Variants in ADGRV1 observed in about 807,000 individuals in gnomAD.
ADGRV1 encodes G-protein coupled receptor 98.
Under a neutral mutation model 596.2 loss-of-function variants are expected in ADGRV1, and 359 were observed. That is an observed-to-expected ratio of 0.60 (90% CI 0.55 to 0.66). The LOEUF is 0.66. Among genes scored for constraint, ADGRV1 ranks in the 30% least tolerant of loss-of-function variants. The probability of loss-of-function intolerance (pLI) is 0.00; values close to 1 mark genes in which losing one functional copy is unlikely to be tolerated. For missense variants in ADGRV1, 7,274 were observed against 7,575.6 expected (o/e 0.96, Z 1.48); for synonymous variants, 2,681 against 2,679.2 (o/e 1.00, Z -0.02).
intron 85 of ADGRV1, among the ~76,000 whole-genome samples, chr5:91,050,854 G>C (rs1786258539): frequency 6.6e-6 from 1 of 152,134 alleles, no homozygotes; most frequent in African/African-American, 2.4e-5. Context: ...GTGAGACCCT[G>C]TCTTGAAAAA....
At chr5:90,595,360 C>T (rs1580385295) in intron 1 of ADGRV1, among the ~76,000 whole-genome samples, 1 of 53,524 alleles carries the variant, frequency 1.9e-5, no homozygotes, top group Non-Finnish European at 3.8e-5. Flanking sequence ...ACCTCCCTCC[C>T]GGACGGGGCG....
chr5:90,646,038 GAAC>G lies in ADGRV1; in HGVS notation c.2973_2975del (p.Thr992del), dbSNP rs757071446. On this transcript the variant is annotated inframe_deletion, in exon 16 of 90. Coordinates refer to ENST00000405460, the MANE Select transcript of ADGRV1 (RefSeq NM_032119.4). ...ACTGGAGGAGCTAAAGTGGGAAATA[GAAC>G]AACTGCAACTCTGAGGATTAGAAGA... 2.5e-6 allele frequency: 4 copies of G among 1,605,316 alleles called. No individual in the cohort carries two copies. Among genetic ancestry groups the G allele is most frequent in the Admixed American group, 1.7e-5 (1 of 59,300 alleles).
rs571503255 is a variant in ADGRV1 at position 90,985,370 on chromosome 5, G to A, written c.18000G>A (p.Val6000=). The A allele has an allele frequency of 3.7e-6, 6 of 1,612,890 alleles. No homozygotes were observed. In the African/African-American group the frequency reaches 4.0e-5, roughly 11 times the overall value. The change falls in exon 85 of 90, where the codon GTG becomes GTA. Residue 6000 remains valine (V), a synonymous_variant. Coordinates refer to ENST00000405460, the MANE Select transcript of ADGRV1 (RefSeq NM_032119.4). ...IQSVNFWYVL[V]MNDEHTERRY... ...CTGTGAATTTCTGGTACGTGCTGGT[G>A]ATGAATGATGAGCACACAGAGAGGC...
chr5:90,980,778 C>A (rs942998953), intron 84 of ADGRV1, among the ~76,000 whole-genome samples: 1 of 152,054 alleles, frequency 6.6e-6, no homozygotes. Context: ...ATCACATTTG[C>A]TATATATCTG....
At chr5:90,723,032 G>A (rs569683526) in intron 45 of ADGRV1, among the ~76,000 whole-genome samples, 2 of 152,196 alleles carry the variant, frequency 1.3e-5, no homozygotes, top group East Asian at 3.9e-4. Context: ...AAAGTAAACG[G>A]TGTCAACCCC....
chr5:90,806,707 A>G (rs1561772623), intron 72 of ADGRV1, among the ~76,000 whole-genome samples: 1 of 152,206 alleles, frequency 6.6e-6, no homozygotes, highest in Non-Finnish European at 1.5e-5. Context: ...TGATTCAGCT[A>G]AAATAACAGG....
Position 91,153,369 on chromosome 5 carries a change from T to C in ADGRV1, c.18773T>C (p.Phe6258Ser), listed in dbSNP as rs763402632. 1.9e-6 allele frequency: 3 copies of C among 1,608,400 alleles called. 1 individual carries two copies. The highest frequency in any genetic ancestry group is 2.2e-5 in the South Asian group (2 of 90,226). Reference protein sequence around the residue: ...SLIADEESQEFDDLIFALKTG... With the variant: ...SLIADEESQESDDLIFALKTG... ...ATAGCCGATGAGGAGTCCCAGGAGT[T>C]TGATGATTTAATATTTGCATTAAAA... Residue 6258 changes from phenylalanine to serine, a missense_variant, in exon 89 of 90, where the codon TTT becomes TCT. Phe to Ser is a radical substitution (Grantham distance 155). Coordinates refer to ENST00000405460, the MANE Select transcript of ADGRV1 (RefSeq NM_032119.4).
intron 83 of ADGRV1, among the ~76,000 whole-genome samples, chr5:90,945,928 A>G (rs994220492): frequency 1.3e-5 from 2 of 152,228 alleles, no homozygotes; most frequent in African/African-American, 4.8e-5. Flanking sequence ...CAGTGAGACA[A>G]GATCTTGCCA....
chr5:90,652,983 C>T (rs930825396), intron 19 of ADGRV1, among the ~76,000 whole-genome samples: 2 of 152,184 alleles, frequency 1.3e-5, no homozygotes, highest in African/African-American at 4.8e-5. Context: ...AATTCATATA[C>T]TCTTTTCAGG....
At chr5:90,615,774 AT>A (rs1400390195) in intron 2 of ADGRV1, among the ~76,000 whole-genome samples, 1 of 151,920 alleles carries the variant, frequency 6.6e-6, no homozygotes, top group Non-Finnish European at 1.5e-5. Context: ...TATAGAAATT[AT>A]TTTTAGAGTA....
intron 2 of ADGRV1, among the ~76,000 whole-genome samples, chr5:90,616,712 A>C (rs1280257403): frequency 6.6e-6 from 1 of 152,234 alleles, no homozygotes; most frequent in Non-Finnish European, 1.5e-5. Flanking sequence ...AATTAGGGGA[A>C]TATCCCTCAC....
At chr5:90,880,827 A>G (rs1769692636) in intron 83 of ADGRV1, among the ~76,000 whole-genome samples, 1 of 152,196 alleles carries the variant, frequency 6.6e-6, no homozygotes, top group Non-Finnish European at 1.5e-5. Flanking sequence ...AAATAATTTC[A>G]AATTTCTCAC....
intron 33 of ADGRV1, among the ~76,000 whole-genome samples, chr5:90,696,567 T>C (rs1353298463): frequency 6.6e-6 from 1 of 152,098 alleles, no homozygotes; most frequent in African/African-American, 2.4e-5. Context: ...GACTCCACTT[T>C]CCTAAAGGGA....
At chr5:90,564,755 T>G (rs1241583514) in intron 1 of ADGRV1, among the ~76,000 whole-genome samples, 2 of 88,142 alleles carry the variant, frequency 2.3e-5, no homozygotes, top group Non-Finnish European at 4.5e-5. Flanking sequence ...GCCTCCCGAG[T>G]AGCTGGGACT....
chr5:90,800,773 G>A (rs1761277846), intron 70 of ADGRV1, among the ~76,000 whole-genome samples: 1 of 152,124 alleles, frequency 6.6e-6, no homozygotes, highest in South Asian at 2.1e-4. Context: ...TCCTTTGCAG[G>A]GTCATGGATG....
rs765708307 is a variant in ADGRV1 at position 90,848,752 on chromosome 5, T to C, written c.17135T>C (p.Phe5712Ser). The change falls in exon 79 of 90, where the codon TTT becomes TCT. Residue 5712 changes from phenylalanine to serine, a missense_variant. Physicochemically the swap from Phe to Ser is radical, Grantham distance 155. Around this residue, in one of 5 missense-constraint regions of ADGRV1, gnomAD observed 1,874 missense variants for 1,970.2 expected, o/e 0.95. Coordinates refer to ENST00000405460, the MANE Select transcript of ADGRV1 (RefSeq NM_032119.4). Reference protein sequence around the residue: ...KRKDTRGFSHFAEVTENFAFS... With the variant: ...KRKDTRGFSHSAEVTENFAFS... ...AAGGACACTAGGGGATTCAGTCACT[T>C]TGCTGAAGTGACTGAGAATTTTGCC... The C allele has an allele frequency of 6.3e-7, 1 of 1,591,660 alleles. No homozygotes were observed. Among genetic ancestry groups the C allele is most frequent in the Non-Finnish European group, 8.5e-7 (1 of 1,171,460 alleles).
intron 86 of ADGRV1, among the ~76,000 whole-genome samples, chr5:91,087,313 C>T (rs546132798): frequency 2.2e-4 from 33 of 152,240 alleles, no homozygotes; most frequent in Non-Finnish European, 4.6e-4. Flanking sequence ...TTTTTTGAGA[C>T]GGAGTCTCAC....
At chr5:90,813,464 A>G (rs557787556) in intron 74 of ADGRV1, among the ~76,000 whole-genome samples, 3 of 152,278 alleles carry the variant, frequency 2.0e-5, no homozygotes, top group African/African-American at 7.2e-5. Flanking sequence ...TTATCAGACA[A>G]TATAGCCTAC....
In ADGRV1 at chr5:91,025,094, C is replaced by T. The variant is rs565741560; in HGVS notation, c.18152+39572C>T. On this transcript the variant is annotated intron_variant, in intron 85 of 89. Transcript: ENST00000405460. ...AACCTTGAGACCACTCTGAATCCAT[C>T]ATCACAAAAGACCTGCCACATATTA... is the stretch of plus-strand genomic sequence containing the variant. 4.6e-5 allele frequency among the ~76,000 whole-genome samples: 7 copies of T among 152,274 alleles called. No individual in the cohort carries two copies. In the South Asian group the frequency reaches 1.4e-3, roughly 32 times the overall value.
Sources: allele counts gnomAD v4.1 joint callset (sites outside exome capture counted in the v4.1 genomes callset), GRCh38; gene constraint gnomAD v4.1.1; regional missense constraint gnomAD v4.1.1; transcripts MANE v1.5; gene names NCBI Gene and HGNC (gene_info 2026-07-23, HGNC 2026-07-21).